C8orf34: variants seen among roughly 807,000 people sequenced by gnomAD.
The protein encoded by C8orf34 is uncharacterized protein C8orf34.
In C8orf34, 65 loss-of-function variants were observed where a neutral mutation model predicts 68.3. That is an observed-to-expected ratio of 0.95 (90% confidence interval 0.78 to 1.17). The LOEUF is 1.17. C8orf34 is among the 50% of genes most tolerant of loss of function. The probability of loss-of-function intolerance (pLI) is 0.00; values close to 1 mark genes in which losing one functional copy is unlikely to be tolerated. For missense variants in C8orf34, 664 were observed against 655.4 expected (o/e 1.01, Z -0.14); for synonymous variants, 244 against 241.2 (o/e 1.01, Z -0.11).
rs10709157 is a variant in C8orf34, at chr8:68,420,875, G to GA, written c.328-18612dup. On this transcript the variant is annotated intron_variant, in intron 1 of 13. Transcript: ENST00000518698. Reference sequence around the variant, plus strand: ...TGAAGCAGATAGAAACAAAATCATGGAAAAAAAAAAAAGAATAGAAATAGA... The same window carrying GA: ...TGAAGCAGATAGAAACAAAATCATGGAAAAAAAAAAAAAGAATAGAAATAGA... 4.2e-3 allele frequency among the ~76,000 whole-genome samples: 600 copies of GA among 143,946 alleles called. 5 individuals carry two copies. The highest frequency in any genetic ancestry group is 0.01 in the African/African-American group (403 of 39,944). 94.4% of individuals were successfully genotyped at this position (143,946 alleles called of 152,430 possible).
intron 7 of C8orf34, among the ~76,000 whole-genome samples, chr8:68,582,490 C>G (rs767576014): frequency 6.6e-6 from 1 of 152,044 alleles, no homozygotes; most frequent in Non-Finnish European, 1.5e-5. Context: ...GGGGAAAAGG[C>G]TTTCCAGTTT....
At chr8:68,639,794 A>C (rs1818950865) in intron 7 of C8orf34, among the ~76,000 whole-genome samples, 1 of 152,198 alleles carries the variant, frequency 6.6e-6, no homozygotes, top group Non-Finnish European at 1.5e-5. Flanking sequence ...TTGGAGCATG[A>C]CTATTCAGGT....
chr8:68,718,122 C>G (rs1218131829), intron 9 of C8orf34, among the ~76,000 whole-genome samples: 1 of 152,144 alleles, frequency 6.6e-6, no homozygotes, highest in East Asian at 1.9e-4. Context: ...TAAAGTCTCT[C>G]TGATGTTTTC....
intron 5 of C8orf34, among the ~76,000 whole-genome samples, chr8:68,515,060 A>G (rs1369567093): frequency 6.6e-6 from 1 of 152,200 alleles, no homozygotes; most frequent in Non-Finnish European, 1.5e-5. Context: ...TGCACATGAT[A>G]AAAAGTAGTT....
chr8:68,563,503 G>T (rs1407645169), intron 7 of C8orf34, among the ~76,000 whole-genome samples: 2 of 152,028 alleles, frequency 1.3e-5, no homozygotes, highest in East Asian at 3.9e-4. Flanking sequence ...ACTTTTAAAG[G>T]GTTTTTAAAA....
intron 7 of C8orf34, among the ~76,000 whole-genome samples, chr8:68,617,822 A>G (rs1054819702): frequency 2.4e-4 from 37 of 152,168 alleles, no homozygotes; most frequent in Admixed American, 1.8e-3. Flanking sequence ...CTGAATCTGA[A>G]TGTTGGCCTG....
chr8:68,385,045 T>C lies in C8orf34; in HGVS notation c.327+53706T>C, dbSNP rs1808202898. ...ATGAGTTTAAAGTCTCTTGGCTCAG[T>C]GTGGTTATATCCTTGTGAATGTAAA... On this transcript the variant is annotated intron_variant, in intron 1 of 13. Coordinates refer to ENST00000518698, the MANE Select transcript of C8orf34 (RefSeq NM_052958.4). Among the ~76,000 whole-genome samples, 3 of 152,346 alleles carry C rather than the reference T, an allele frequency of 2.0e-5. No homozygotes were observed. In the South Asian group the frequency reaches 6.2e-4, roughly 32 times the overall value.
chr8:68,661,703 C>T (rs1819684449), intron 8 of C8orf34, among the ~76,000 whole-genome samples: 1 of 152,140 alleles, frequency 6.6e-6, no homozygotes, highest in Non-Finnish European at 1.5e-5. Context: ...AGCCCTTAGT[C>T]TGCTGCAGGC....
chr8:68,629,387 T>A (rs567704657), intron 7 of C8orf34, among the ~76,000 whole-genome samples: 1 of 152,336 alleles, frequency 6.6e-6, no homozygotes, highest in African/African-American at 2.4e-5. Context: ...CACTACACCC[T>A]ACTGAATCTT....
chr8:68,489,936 C>A (rs1813239688), intron 5 of C8orf34, among the ~76,000 whole-genome samples: 1 of 152,022 alleles, frequency 6.6e-6, no homozygotes, highest in South Asian at 2.1e-4. Context: ...AATAAACAAA[C>A]CATCATAATA....
chr8:68,509,826 T>C (rs1814186427), intron 5 of C8orf34, among the ~76,000 whole-genome samples: 1 of 152,138 alleles, frequency 6.6e-6, no homozygotes, highest in Non-Finnish European at 1.5e-5. Context: ...CTGGAGACCA[T>C]GGCAGATGCT....
intron 1 of C8orf34, among the ~76,000 whole-genome samples, chr8:68,382,906 G>A (rs928330341): frequency 3.3e-5 from 5 of 151,944 alleles, no homozygotes; most frequent in African/African-American, 4.8e-5. Flanking sequence ...CTTTGCATCC[G>A]TGCACTGGCA....
chr8:68,505,738 C>CAAAAAA (rs778441254), intron 5 of C8orf34, among the ~76,000 whole-genome samples: 1 of 68,300 alleles, frequency 1.5e-5, no homozygotes. Flanking sequence ...ACTCCGTCTC[C>CAAAAAA]AAAAAAAAAA....
At chr8:68,460,331 C>A (rs530612199) in intron 3 of C8orf34, among the ~76,000 whole-genome samples, 1 of 152,208 alleles carries the variant, frequency 6.6e-6, no homozygotes, top group African/African-American at 2.4e-5. Flanking sequence ...AGGAGGCCTG[C>A]CTGCCTCTGT....
At chr8:68,803,655 A>G (rs575094505) in intron 12 of C8orf34, among the ~76,000 whole-genome samples, 34 of 152,128 alleles carry the variant, frequency 2.2e-4, no homozygotes, top group African/African-American at 8.0e-4. Flanking sequence ...AAAAATCTAA[A>G]CAATTGTTTT....
chr8:68,456,251 G>A (rs1359174222), intron 3 of C8orf34, among the ~76,000 whole-genome samples: 1 of 147,446 alleles, frequency 6.8e-6, no homozygotes, highest in Non-Finnish European at 1.5e-5. Flanking sequence ...GCGACACTCT[G>A]TCTGAAAAAA....
In C8orf34 at chr8:68,699,195, G is replaced by A. The variant is rs7822870; in HGVS notation, c.1242-9799G>A. Among the ~76,000 whole-genome samples, 10 of 151,690 alleles carry A rather than the reference G, an allele frequency of 6.6e-5. 1 individual carries two copies. The highest frequency in any genetic ancestry group is 6.6e-4 in the Admixed American group (10 of 15,204). ...AATTTGAGAACCACCGAGAGTCCAC[G>A]GAGGCCTTAACTGCTTATGTCCATT... On this transcript the variant is annotated intron_variant, in intron 8 of 13. Coordinates refer to ENST00000518698, the MANE Select transcript of C8orf34 (RefSeq NM_052958.4).
chr8:68,343,768 A>G (rs1406211557), intron 1 of C8orf34, among the ~76,000 whole-genome samples: 1 of 151,894 alleles, frequency 6.6e-6, no homozygotes, highest in Non-Finnish European at 1.5e-5. Context: ...TAATTTTTGT[A>G]TTTTTGGTAG....
chr8:68,778,886 A>G (rs1487505816), intron 11 of C8orf34, among the ~76,000 whole-genome samples: 3 of 152,110 alleles, frequency 2.0e-5, no homozygotes, highest in Non-Finnish European at 2.9e-5. Flanking sequence ...TTACAATATC[A>G]CATTACCAGG....
Sources: gnomAD v4.1 joint callset for allele counts (sites outside exome capture counted in the v4.1 genomes callset) on GRCh38, gnomAD v4.1.1 for gene constraint, MANE v1.5 for transcripts, NCBI Gene and HGNC (gene_info 2026-07-23, HGNC 2026-07-21) for gene names.